NTN4: variants seen among roughly 807,000 people sequenced by gnomAD.
The protein encoded by NTN4 is netrin-4.
In NTN4, 32 loss-of-function variants were observed where a neutral mutation model predicts 73.6. The observed-to-expected ratio is 0.44, with a 90% CI of 0.33 to 0.58. The LOEUF (loss-of-function observed/expected upper bound fraction) is 0.58, where lower values mean the gene tolerates loss of function less well. Ranked by LOEUF, NTN4 falls within the 20% of genes least tolerant of loss-of-function variation. The pLI is 0.04. For synonymous variants in NTN4, 258 were observed against 287.5 expected (o/e 0.90, Z 1.04); for missense variants, 654 against 798.3 (o/e 0.82, Z 2.18).
chr12:95,727,811 C>T (rs1051100070), intron 3 of NTN4, among the ~76,000 whole-genome samples: 3 of 152,158 alleles, frequency 2.0e-5, no homozygotes, highest in African/African-American at 7.2e-5. Flanking sequence ...ATTTTAGGTT[C>T]AGCTGGTCCA....
In NTN4 at chr12:95,713,234, C is replaced by T. The variant is rs1251534575; in HGVS notation, c.969G>A (p.Thr323=). ...DRPWEAADGK[T]GAPNECRTCK... is the part of the protein sequence containing the mutation. The stretch of plus-strand genomic sequence containing the variant: ...TACTTCTGCACTCGTTGGGAGCCCC[C>T]GTTTTGCCATCAGCTGCCTCCCATG... Residue 323 remains threonine, a synonymous_variant, in exon 4 of 10, where the codon ACG becomes ACA. Coordinates refer to ENST00000343702, the MANE Select transcript of NTN4 (RefSeq NM_021229.4). 11 of 1,613,368 alleles carry T rather than the reference C, an allele frequency of 6.8e-6. No individual in the cohort carries two copies. The highest frequency in any genetic ancestry group is 5.0e-5 in the Admixed American group (3 of 59,974).
chr12:95,708,733 T>C (rs1315105562), intron 5 of NTN4, among the ~76,000 whole-genome samples: 4 of 152,186 alleles, frequency 2.6e-5, no homozygotes, highest in Non-Finnish European at 5.9e-5. Context: ...TGAGGGCTTA[T>C]TCTATGACAG....
At chr12:95,769,404 T>C (rs1415265357) in intron 2 of NTN4, among the ~76,000 whole-genome samples, 1 of 152,064 alleles carries the variant, frequency 6.6e-6, no homozygotes, top group Non-Finnish European at 1.5e-5. Context: ...GGGACATAAG[T>C]TGGAGTCTTA....
intron 2 of NTN4, among the ~76,000 whole-genome samples, chr12:95,763,427 C>T (rs2079001640): frequency 6.6e-6 from 1 of 152,196 alleles, no homozygotes; most frequent in African/African-American, 2.4e-5. Context: ...AGAGTCTGTT[C>T]CCTGAAACTC....
rs562614662 is a variant in NTN4 at position 95,790,329 on chromosome 12, C to G, written c.-20G>C. 6.6e-7 allele frequency: 1 copy of G among 1,520,262 alleles called. No homozygotes were observed. The highest frequency in any genetic ancestry group is 8.8e-7 in the Non-Finnish European group (1 of 1,135,366). 94.2% of individuals were successfully genotyped at this position (1,520,262 alleles called of 1,614,324 possible). On this transcript the variant is annotated 5_prime_UTR_variant, in exon 1 of 10. Coordinates refer to ENST00000343702, the MANE Select transcript of NTN4 (RefSeq NM_021229.4). This position sits in a 1 kb window ranked among gnomAD's most constrained non-coding sequence, Gnocchi z 6.5. ...CCCCATGGCCGGGAGGAGCCGGGAG[C>G]AGCCGGGCCGGGCGGGTGCCGGAGG... is the stretch of plus-strand genomic sequence containing the variant.
chr12:95,713,912 AATGT>A (rs1432532471), intron 3 of NTN4, among the ~76,000 whole-genome samples: 2 of 152,146 alleles, frequency 1.3e-5, no homozygotes. Flanking sequence ...TAGGTTTTTA[AATGT>A]ATGTATATAT....
intron 8 of NTN4, among the ~76,000 whole-genome samples, chr12:95,666,574 C>T (rs1364681189): frequency 6.6e-6 from 1 of 152,140 alleles, no homozygotes; most frequent in Non-Finnish European, 1.5e-5. Context: ...GAATATCAAC[C>T]ATTTGCCTAT....
chr12:95,660,791 C>A lies in NTN4; in HGVS notation c.1751-1569G>T, dbSNP rs116229739. ...GATGCTAAAATTCAACTGAAAATAT[C>A]AATTTAATTTCACAAGTTGATTCAT... On this transcript the variant is annotated intron_variant, in intron 9 of 9. Transcript: ENST00000343702. Among the ~76,000 whole-genome samples the A allele has an allele frequency of 3.0e-3, 456 of 152,162 alleles. 4 individuals are homozygous for A. Among genetic ancestry groups the A allele is most frequent in the African/African-American group, 0.011 (439 of 41,508 alleles).
In NTN4 at chr12:95,772,662, G is replaced by A. The variant is rs150849228; in HGVS notation, c.585+14277C>T. Among the ~76,000 whole-genome samples, 21 of 152,288 alleles carry A rather than the reference G, an allele frequency of 1.4e-4. 1 individual carries two copies. The East Asian group carries it at 3.7e-3, about 27-fold the overall frequency. On this transcript the variant is annotated intron_variant, in intron 2 of 9. Transcript: ENST00000343702. ...ATCTTCTCTATCTCAGTAAATGGTC[G>A]TTGCATTCTTCCAGGTGCTCAAACT...
chr12:95,749,972 C>CT (rs1434551151), intron 2 of NTN4, among the ~76,000 whole-genome samples: 1 of 148,782 alleles, frequency 6.7e-6, no homozygotes, highest in Admixed American at 6.7e-5. Context: ...CTCCTTCACC[C>CT]TTAGTGGCAA....
chr12:95,743,183 A>G (rs576967999), intron 2 of NTN4, among the ~76,000 whole-genome samples: 2 of 152,360 alleles, frequency 1.3e-5, no homozygotes, highest in African/African-American at 4.8e-5. Context: ...CTTCAGGAAC[A>G]TAACTGCATT....
chr12:95,667,074 TC>T (rs1302829089), intron 8 of NTN4, among the ~76,000 whole-genome samples: 5 of 152,154 alleles, frequency 3.3e-5, no homozygotes, highest in African/African-American at 1.2e-4. Flanking sequence ...TATTACGCCC[TC>T]CCATTGATGA....
intron 5 of NTN4, among the ~76,000 whole-genome samples, chr12:95,703,628 GCAAAATTTCCCCTCA>G (rs2078502779): frequency 6.6e-6 from 1 of 152,168 alleles, no homozygotes; most frequent in Non-Finnish European, 1.5e-5. Flanking sequence ...GAAGGCCATA[GCAAAATTTCCCCTCA>G]CATAATTTCT....
rs1200163124 is a variant in NTN4, at chr12:95,789,867, C to A, written c.55+388G>T. 5.5e-6 allele frequency: 1 copy of A among 181,594 alleles called. No homozygotes were observed. The highest frequency in any genetic ancestry group is 6.3e-5 in the Admixed American group (1 of 15,972). 11.2% of individuals were successfully genotyped at this position (181,594 alleles called of 1,614,324 possible). On this transcript the variant is annotated intron_variant, in intron 1 of 9. Coordinates refer to ENST00000343702, the MANE Select transcript of NTN4 (RefSeq NM_021229.4). The surrounding 1 kb of genome is among the most constrained non-coding windows in gnomAD (Gnocchi z 4.0). ...AGACCGGCCCCAGCCCACGCGCGCCCAGGGTCGCTGGGCCACCCCTCCTCA... is the reference window on the plus strand; with the variant it reads ...AGACCGGCCCCAGCCCACGCGCGCCAAGGGTCGCTGGGCCACCCCTCCTCA...
intron 7 of NTN4, among the ~76,000 whole-genome samples, 176 bp downstream of exon 7, chr12:95,682,531 C>T (rs2078326329): frequency 6.6e-6 from 1 of 151,840 alleles, no homozygotes; most frequent in African/African-American, 2.4e-5. Flanking sequence ...TTAAAATACC[C>T]CTTAGCTATA....
At chr12:95,776,557 A>G (rs1208393296) in intron 2 of NTN4, among the ~76,000 whole-genome samples, 1 of 152,238 alleles carries the variant, frequency 6.6e-6, no homozygotes, top group Non-Finnish European at 1.5e-5. Context: ...AAGAAAGGAT[A>G]TCAGTGATTG....
In NTN4 at chr12:95,790,147, A is replaced by G; in HGVS notation, c.55+108T>C. On this transcript the variant is annotated intron_variant, in intron 1 of 9. Coordinates refer to ENST00000343702, the MANE Select transcript of NTN4 (RefSeq NM_021229.4). This position sits in a 1 kb window ranked among gnomAD's most constrained non-coding sequence, Gnocchi z 6.5. ...CATGGCCACTCATTTCACCCTCGGG[A>G]GCAGCGCTCTGCGCTCGCAGCCCTG... 1.0e-6 allele frequency: 1 copy of G among 962,198 alleles called. No homozygotes were observed. The highest frequency in any genetic ancestry group is 1.5e-6 in the Non-Finnish European group (1 of 659,996). 59.6% of individuals were successfully genotyped at this position (962,198 alleles called of 1,614,324 possible). A position where few individuals can be genotyped will look rare whatever the true frequency, so the allele number is the denominator to read the frequency against.
chr12:95,682,665 G>A lies in NTN4; in HGVS notation c.1510+42C>T, dbSNP rs1407663530. On this transcript the variant is annotated intron_variant, in intron 7 of 9. Coordinates refer to ENST00000343702, the MANE Select transcript of NTN4 (RefSeq NM_021229.4). ...TTTGTCACGTATCACTGTTACATAA[G>A]ACCAGACCTGAAAATATGATGCCTG... 14 of 1,370,464 alleles carry A rather than the reference G, an allele frequency of 1.0e-5. No individual in the cohort carries two copies. In the Admixed American group the frequency reaches 2.0e-4, roughly 20 times the overall value. 84.9% of individuals were successfully genotyped at this position (1,370,464 alleles called of 1,614,324 possible).
chr12:95,755,783 G>A (rs2078943689), intron 2 of NTN4, among the ~76,000 whole-genome samples: 1 of 152,206 alleles, frequency 6.6e-6, no homozygotes, highest in African/African-American at 2.4e-5. Context: ...GTTTTAAAGT[G>A]ATGCAAAGGC....
Sources: gnomAD v4.1 joint callset for allele counts (sites outside exome capture counted in the v4.1 genomes callset) on GRCh38, gnomAD v4.1.1 for gene constraint, Gnocchi (gnomAD v3.1) non-coding constraint, MANE v1.5 for transcripts, NCBI Gene and HGNC (gene_info 2026-07-23, HGNC 2026-07-21) for gene names.